Variants in UST observed in about 807,000 individuals in gnomAD.
The protein encoded by UST is chondroitin sulfate 2-O-sulfotransferase.
UST carries 21 observed loss-of-function variants against 45.6 expected under a neutral mutation model. That is an observed-to-expected ratio of 0.46 (90% CI 0.33 to 0.66). UST has a LOEUF of 0.66. UST is among the 30% of genes least tolerant of loss of function. The pLI is 0.02. For synonymous variants in UST, 215 were observed against 200.6 expected, an observed-to-expected ratio of 1.07 and a Z score of -0.61; for missense variants, 463 against 512.4, an observed-to-expected ratio of 0.90 and a Z score of 0.93.
intron 1 of UST, among the ~76,000 whole-genome samples, chr6:148,880,342 G>T (rs1778800547): frequency 6.6e-6 from 1 of 152,224 alleles, no homozygotes. Flanking sequence ...TGCCAGCTGA[G>T]ACCCAGGTGT....
chr6:148,919,590 C>G (rs935907298), intron 2 of UST, among the ~76,000 whole-genome samples: 1 of 152,150 alleles, frequency 6.6e-6, no homozygotes. Flanking sequence ...TAATCTTGTC[C>G]CACAGGTACC....
chr6:148,986,816 A>G (rs1051599802), intron 5 of UST, among the ~76,000 whole-genome samples: 2 of 152,126 alleles, frequency 1.3e-5, no homozygotes, highest in Admixed American at 6.5e-5. Flanking sequence ...CATCATTTTT[A>G]TGTCTCCCTA....
chr6:148,852,885 C>T (rs1778132232), intron 1 of UST, among the ~76,000 whole-genome samples: 1 of 152,138 alleles, frequency 6.6e-6, no homozygotes, highest in Non-Finnish European at 1.5e-5. Context: ...ATGTGTTATG[C>T]CCAGCACCGA....
At chr6:148,809,077 C>G (rs560812989) in intron 1 of UST, among the ~76,000 whole-genome samples, 1 of 152,260 alleles carries the variant, frequency 6.6e-6, no homozygotes, top group Admixed American at 6.5e-5. Flanking sequence ...TGTACTCGAG[C>G]GAGGCCTGAA....
At chr6:148,910,446 C>G (rs1325895778) in intron 2 of UST, among the ~76,000 whole-genome samples, 2 of 152,092 alleles carry the variant, frequency 1.3e-5, no homozygotes, top group Non-Finnish European at 2.9e-5. Context: ...ACCCCCACTT[C>G]TACTCAGCTT....
chr6:148,791,265 G>T (rs1024472560), intron 1 of UST, among the ~76,000 whole-genome samples: 22 of 152,196 alleles, frequency 1.4e-4, no homozygotes, highest in Admixed American at 1.4e-3. Flanking sequence ...AATGTCAGGA[G>T]TGCTGAGGTT....
intron 1 of UST, among the ~76,000 whole-genome samples, chr6:148,842,589 G>C (rs1183268219): frequency 1.3e-5 from 2 of 152,170 alleles, no homozygotes; most frequent in African/African-American, 4.8e-5. Context: ...GAAGGAAGGT[G>C]GTGGGGAGTT....
rs1197045447 is a variant in UST at position 148,995,380 on chromosome 6, T to C, written c.682-23759T>C. On this transcript the variant is annotated intron_variant, in intron 5 of 7. Coordinates refer to ENST00000367463, the MANE Select transcript of UST (RefSeq NM_005715.3). ...CTGATGCTCAAAAAGATGGAGTGCT[T>C]CACCCATTGTGACTCAGCAGCTAGC... Among the ~76,000 whole-genome samples the C allele has an allele frequency of 2.0e-5, 3 of 152,216 alleles. No individual in the cohort carries two copies. In the East Asian group the frequency reaches 5.8e-4, roughly 29 times the overall value.
intron 1 of UST, among the ~76,000 whole-genome samples, chr6:148,843,882 T>C (rs781256935): frequency 2.0e-5 from 3 of 152,230 alleles, no homozygotes; most frequent in Non-Finnish European, 4.4e-5. Flanking sequence ...ATGTTCTGCA[T>C]AGAGCACATA....
At chr6:148,964,597 C>T in intron 5 of UST, 34 bp downstream of exon 5, 2 of 1,609,782 alleles carry the variant, frequency 1.2e-6, no homozygotes, top group African/African-American at 1.3e-5. Context: ...GCGGTCTCCC[C>T]ACTGCCTGAG....
intron 1 of UST, among the ~76,000 whole-genome samples, chr6:148,752,576 G>A (rs1776010433): frequency 6.6e-6 from 1 of 152,178 alleles, no homozygotes; most frequent in South Asian, 2.1e-4. Context: ...ATGTAGACTA[G>A]TCTTAGTATG....
intron 4 of UST, 68 bp from the exon 5 acceptor site, chr6:148,964,342 T>A: frequency 2.3e-5 from 37 of 1,575,466 alleles, no homozygotes; most frequent in Non-Finnish European, 3.1e-5. Context: ...GAAGGGGAGA[T>A]GTTGTCTAAG....
chr6:148,820,326 A>T (rs1213502244), intron 1 of UST, among the ~76,000 whole-genome samples: 1 of 151,546 alleles, frequency 6.6e-6, no homozygotes, highest in East Asian at 1.9e-4. Context: ...GTGTGTGTGC[A>T]TATACACATT....
Position 148,949,088 on chromosome 6 carries a change from C to T in UST, c.448-4784C>T, listed in dbSNP as rs545128022. Among the ~76,000 whole-genome samples, 5 of 152,100 alleles carry T rather than the reference C, an allele frequency of 3.3e-5. No homozygotes were observed. In the South Asian group the frequency reaches 6.2e-4, roughly 19 times the overall value. Reference sequence around the variant, plus strand: ...GGTGGATCACCTGAGGTCAGGAGTTCAAGACCAGCCTGACCAACATGGTGA... The same window carrying T: ...GGTGGATCACCTGAGGTCAGGAGTTTAAGACCAGCCTGACCAACATGGTGA... On this transcript the variant is annotated intron_variant, in intron 3 of 7. Coordinates refer to ENST00000367463, the MANE Select transcript of UST (RefSeq NM_005715.3).
intron 1 of UST, among the ~76,000 whole-genome samples, chr6:148,763,938 C>T (rs1454670951): frequency 2.0e-5 from 3 of 152,126 alleles, no homozygotes; most frequent in African/African-American, 7.2e-5. Flanking sequence ...GCTATCCCTC[C>T]AGCTTTGTTC....
chr6:149,039,869 G>T (rs1776287433), intron 7 of UST, among the ~76,000 whole-genome samples: 1 of 152,170 alleles, frequency 6.6e-6, no homozygotes, highest in Non-Finnish European at 1.5e-5. Flanking sequence ...GAAGACAGGG[G>T]CCATGACCCG....
chr6:149,051,664 G>A (rs1376145943), intron 7 of UST, among the ~76,000 whole-genome samples: 1 of 152,150 alleles, frequency 6.6e-6, no homozygotes, highest in Non-Finnish European at 1.5e-5. Flanking sequence ...GCAGGCTATG[G>A]TTTCCCCTTT....
intron 5 of UST, among the ~76,000 whole-genome samples, chr6:148,968,866 A>G (rs1780858769): frequency 6.6e-6 from 1 of 152,246 alleles, no homozygotes; most frequent in Non-Finnish European, 1.5e-5. Flanking sequence ...ATAGGAAGAA[A>G]AGGGAGAAAA....
At chr6:149,020,155 A>G (rs559925707) in intron 6 of UST, among the ~76,000 whole-genome samples, 7 of 152,320 alleles carry the variant, frequency 4.6e-5, no homozygotes, top group South Asian at 4.1e-4. Context: ...TGCTTATGCT[A>G]TGATTTCTGC....
Sources: gnomAD v4.1 joint callset for allele counts (sites outside exome capture counted in the v4.1 genomes callset) on GRCh38, gnomAD v4.1.1 for gene constraint, MANE v1.5 for transcripts, NCBI Gene and HGNC (gene_info 2026-07-23, HGNC 2026-07-21) for gene names.